GABRB3: variants seen among roughly 807,000 people sequenced by gnomAD.
GABRB3 encodes gamma-aminobutyric acid type A receptor subunit beta3.
In GABRB3, 14 loss-of-function variants were observed where a neutral mutation model predicts 52.1. The ratio of observed to expected loss-of-function variants is 0.27; its 90% confidence interval spans 0.18 to 0.42. GABRB3 has a LOEUF of 0.42. Among genes scored for constraint, GABRB3 ranks in the 10% least tolerant of loss-of-function variants. The pLI, the probability that GABRB3 is intolerant of heterozygous loss-of-function variation, is 1.00. For synonymous variants in GABRB3, 260 were observed against 232.3 expected, an observed-to-expected ratio of 1.12 and a Z score of -1.08; for missense variants, 307 against 609.1, an observed-to-expected ratio of 0.50 and a Z score of 5.22.
At chr15:26,735,164 G>A (rs1041965992) in intron 3 of GABRB3, among the ~76,000 whole-genome samples, 1 of 152,104 alleles carries the variant, frequency 6.6e-6, no homozygotes, top group East Asian at 1.9e-4. Flanking sequence ...ATCATTAGGG[G>A]ACTACAAATC....
chr15:26,763,607 T>TACACACACACACAC (rs150301275), intron 3 of GABRB3, among the ~76,000 whole-genome samples: 22,012 of 145,666 alleles, frequency 0.15, 1,731 homozygotes, highest in South Asian at 0.17. Context: ...TCTGCATAGA[T>TACACACACACACAC]ACACACACAC....
At chr15:26,610,354 GCTTT>G (rs1892022606) in intron 4 of GABRB3, among the ~76,000 whole-genome samples, 1 of 152,098 alleles carries the variant, frequency 6.6e-6, no homozygotes, top group Non-Finnish European at 1.5e-5. Context: ...TCAGTGACTG[GCTTT>G]CTGTGTGGCT....
intron 3 of GABRB3, among the ~76,000 whole-genome samples, chr15:26,727,441 G>A (rs949385949): frequency 9.9e-5 from 15 of 152,072 alleles, no homozygotes; most frequent in Non-Finnish European, 1.9e-4. Flanking sequence ...AATTGCCCCC[G>A]ATTTGGCCAT....
At chr15:26,642,294 G>T (rs1444245149) in intron 3 of GABRB3, 1 of 241,288 alleles carries the variant, frequency 4.1e-6, no homozygotes, top group East Asian at 9.4e-5. Context: ...TTTCGTGTAT[G>T]GTATACATGG....
chr15:26,671,115 G>A (rs1226002267), intron 3 of GABRB3, among the ~76,000 whole-genome samples: 2 of 152,154 alleles, frequency 1.3e-5, no homozygotes, highest in Admixed American at 6.5e-5. Flanking sequence ...ACTGTGATGT[G>A]TAAAGAAATG....
At chr15:26,759,288 T>A (rs1357066267) in intron 3 of GABRB3, among the ~76,000 whole-genome samples, 1 of 152,148 alleles carries the variant, frequency 6.6e-6, no homozygotes, top group Admixed American at 6.5e-5. Context: ...GGAGTCTCGC[T>A]CTGTAGCCCA....
intron 3 of GABRB3, among the ~76,000 whole-genome samples, chr15:26,674,521 A>G (rs1566800724): frequency 6.8e-6 from 1 of 146,044 alleles, no homozygotes; most frequent in Non-Finnish European, 1.6e-5. Context: ...AAAAGAAACT[A>G]TGCACGCAGC....
intron 7 of GABRB3, among the ~76,000 whole-genome samples, chr15:26,563,790 G>A (rs986368200): frequency 1.3e-5 from 2 of 152,116 alleles, no homozygotes; most frequent in Admixed American, 6.5e-5. Flanking sequence ...GGTGGCTTTC[G>A]TGTTTTTTTG....
intron 5 of GABRB3, among the ~76,000 whole-genome samples, chr15:26,580,989 G>T (rs78767517): frequency 0.017 from 2,549 of 152,286 alleles, 62 homozygotes; most frequent in African/African-American, 0.055. Context: ...TCCTGGCCAC[G>T]AAGTTTGCCA....
chr15:26,622,897 A>T (rs1371944649), intron 3 of GABRB3, among the ~76,000 whole-genome samples: 1 of 152,220 alleles, frequency 6.6e-6, no homozygotes, highest in Non-Finnish European at 1.5e-5. Context: ...TAAGAGTGGA[A>T]GGAAAGGCAA....
At chr15:26,763,705 C>T (rs1192639867) in intron 3 of GABRB3, among the ~76,000 whole-genome samples, 1 of 151,270 alleles carries the variant, frequency 6.6e-6, no homozygotes, top group Admixed American at 6.6e-5. Context: ...ATTGTAAAGT[C>T]TTATTCAAAA....
chr15:26,730,889 AT>A (rs1235018398), intron 3 of GABRB3, among the ~76,000 whole-genome samples: 1 of 152,228 alleles, frequency 6.6e-6, no homozygotes, highest in Non-Finnish European at 1.5e-5. Flanking sequence ...TAAGCAGCAA[AT>A]GAACTCACAC....
At chr15:26,568,572 A>C (rs1386072676) in intron 6 of GABRB3, among the ~76,000 whole-genome samples, 1 of 143,274 alleles carries the variant, frequency 7.0e-6, no homozygotes, top group African/African-American at 2.6e-5. Flanking sequence ...ATCTTGGCTC[A>C]CTGCAACCTC....
intron 3 of GABRB3, among the ~76,000 whole-genome samples, chr15:26,637,584 T>C (rs1157912356): frequency 6.6e-6 from 1 of 152,200 alleles, no homozygotes; most frequent in Non-Finnish European, 1.5e-5. Flanking sequence ...TGTTGGTGTG[T>C]CCCTTCAGAA....
chr15:26,736,647 T>A (rs1057148806), intron 3 of GABRB3, among the ~76,000 whole-genome samples: 1 of 152,174 alleles, frequency 6.6e-6, no homozygotes, highest in Non-Finnish European at 1.5e-5. Context: ...CCAACTTCCA[T>A]AGGGTGGGGT....
intron 3 of GABRB3, among the ~76,000 whole-genome samples, chr15:26,686,799 G>T (rs564136785): frequency 6.6e-6 from 1 of 152,226 alleles, no homozygotes; most frequent in African/African-American, 2.4e-5. Context: ...TCCAGGAGTC[G>T]CTGTGAATGG....
chr15:26,572,193 TTCCCAACTATTTATAGCTCC>T (rs1351607529), intron 6 of GABRB3, among the ~76,000 whole-genome samples: 2 of 152,248 alleles, frequency 1.3e-5, no homozygotes, highest in Non-Finnish European at 2.9e-5. Flanking sequence ...ACAGTTTACC[TTCCCAACTATTTATAGCTCC>T]TGACCCATGT....
chr15:26,729,401 A>C (rs1248801326), intron 3 of GABRB3, among the ~76,000 whole-genome samples: 1 of 151,082 alleles, frequency 6.6e-6, no homozygotes, highest in African/African-American at 2.4e-5. Flanking sequence ...GCTGGGGAGG[A>C]CTCTGGTGCC....
intron 6 of GABRB3, among the ~76,000 whole-genome samples, chr15:26,572,064 A>AG (rs1363208766): frequency 1.3e-5 from 2 of 151,962 alleles, no homozygotes; most frequent in African/African-American, 4.8e-5. Context: ...AAAAAAAAAA[A>AG]AAAAGGAAAA....
Sources: gnomAD v4.1 joint callset for allele counts (sites outside exome capture counted in the v4.1 genomes callset) on GRCh38, gnomAD v4.1.1 for gene constraint, MANE v1.5 for transcripts, NCBI Gene and HGNC (gene_info 2026-07-23, HGNC 2026-07-21) for gene names.